Variants in SRGAP3 observed in about 807,000 individuals in gnomAD.
The protein encoded by SRGAP3 is SLIT-ROBO Rho GTPase activating protein 3, also known as SLIT-ROBO Rho GTPase-activating protein 3.
In SRGAP3, 39 loss-of-function variants were observed where a neutral mutation model predicts 121.1. The observed-to-expected ratio is 0.32, with a 90% CI of 0.25 to 0.42. The LOEUF (loss-of-function observed/expected upper bound fraction) is 0.42, where lower values mean the gene tolerates loss of function less well. Ranked by LOEUF, SRGAP3 falls within the 10% of genes least tolerant of loss-of-function variation. SRGAP3 has a pLI of 1.00. For synonymous variants in SRGAP3, 601 were observed against 570.0 expected, an observed-to-expected ratio of 1.05 and a Z score of -0.77; for missense variants, 1,213 against 1,470.6, an observed-to-expected ratio of 0.82 and a Z score of 2.86.
chr3:9,091,560 T>G (rs936938354), intron 3 of SRGAP3, among the ~76,000 whole-genome samples: 5 of 152,118 alleles, frequency 3.3e-5, no homozygotes, highest in African/African-American at 1.2e-4. Flanking sequence ...CCCAAAGTGA[T>G]TGTGTTTTTA....
intron 14 of SRGAP3, among the ~76,000 whole-genome samples, chr3:9,017,696 T>C (rs1041884394): frequency 4.6e-5 from 7 of 152,192 alleles, no homozygotes; most frequent in African/African-American, 7.2e-5. Context: ...TCTGTAAATA[T>C]AATAGAAACC....
At chr3:9,007,901 G>T (rs893676525) in intron 18 of SRGAP3, 3 of 152,200 alleles carry the variant, frequency 2.0e-5, no homozygotes, top group Non-Finnish European at 2.9e-5. Flanking sequence ...GGGATGGCAA[G>T]AATGTAACAT....
chr3:9,083,728 T>C (rs1264575175), intron 3 of SRGAP3, among the ~76,000 whole-genome samples: 1 of 152,204 alleles, frequency 6.6e-6, no homozygotes, highest in African/African-American at 2.4e-5. Flanking sequence ...GACCCCATCC[T>C]AGAGGCAGTT....
At chr3:9,260,964 C>A (rs1954241911) in intron 3 of SRGAP3, among the ~76,000 whole-genome samples, 1 of 152,214 alleles carries the variant, frequency 6.6e-6, no homozygotes, top group African/African-American at 2.4e-5. Flanking sequence ...CAGCTGGCAT[C>A]TGGCGGGTGC....
At chr3:9,089,292 C>G (rs1056357219) in intron 3 of SRGAP3, among the ~76,000 whole-genome samples, 6 of 8,344 alleles carry the variant, frequency 7.2e-4, no homozygotes, top group Non-Finnish European at 1.5e-3. Flanking sequence ...GTGGGGTGGG[C>G]GGGGGGGGGG....
At chr3:9,263,914 C>T (rs927551542) in intron 3 of SRGAP3, among the ~76,000 whole-genome samples, 2 of 152,050 alleles carry the variant, frequency 1.3e-5, no homozygotes, top group Non-Finnish European at 2.9e-5. Context: ...AGAGACACAA[C>T]AAAAAGAGAA....
In SRGAP3 at chr3:9,050,680, T is replaced by C. The variant is rs1374293078; in HGVS notation, c.1323+2347A>G. On this transcript the variant is annotated intron_variant, in intron 9 of 21. Transcript: ENST00000383836. The stretch of plus-strand genomic sequence containing the variant: ...TCTCCTAACTTCGAGTAGGCCAAAC[T>C]CCCTTCTTGAATTCTGTTCCCCAGA... 2.6e-5 allele frequency among the ~76,000 whole-genome samples: 4 copies of C among 152,310 alleles called. No individual in the cohort carries two copies. The East Asian group carries it at 7.7e-4, about 29-fold the overall frequency.
intron 6 of SRGAP3, chr3:9,058,714 CTTTTTTTTTTTTT>C (rs71049768): frequency 4.7e-6 from 1 of 212,824 alleles, no homozygotes; most frequent in Non-Finnish European, 8.4e-6. Flanking sequence ...TTCTCTCTCT[CTTTTTTTTTTTTT>C]TTTTTTTTTT....
At chr3:9,096,335 G>T (rs1290556693) in intron 3 of SRGAP3, among the ~76,000 whole-genome samples, 2 of 152,132 alleles carry the variant, frequency 1.3e-5, no homozygotes, top group African/African-American at 4.8e-5. Context: ...CTAATTTGTA[G>T]CCTCAATGGC....
chr3:9,297,029 T>G (rs1340900897), intron 3 of SRGAP3, among the ~76,000 whole-genome samples: 1 of 152,122 alleles, frequency 6.6e-6, no homozygotes. Context: ...GGACTACAGG[T>G]GTGCACCACC....
intron 3 of SRGAP3, among the ~76,000 whole-genome samples, chr3:9,259,313 C>T (rs1335851880): frequency 6.6e-6 from 1 of 152,050 alleles, no homozygotes; most frequent in Non-Finnish European, 1.5e-5. Context: ...GGGTCATGCC[C>T]TGTCACCCAG....
chr3:9,023,885 T>C (rs1402051765), intron 14 of SRGAP3, among the ~76,000 whole-genome samples: 1 of 152,062 alleles, frequency 6.6e-6, no homozygotes, highest in Non-Finnish European at 1.5e-5. Context: ...AATCTCATTG[T>C]CTACAGATGG....
At position 9,243,837 on chromosome 3, in the gene SRGAP3, G is replaced by A. The variant is rs150902023; in HGVS notation, c.67+5048C>T. 1.1e-3 allele frequency among the ~76,000 whole-genome samples: 162 copies of A among 152,250 alleles called. 4 individuals are homozygous for A. The highest frequency in any genetic ancestry group is 1.6e-3 in the Non-Finnish European group (108 of 68,034). ...CCCAACAGGCTAAAACTGTTCTACC[G>A]ACATGTTTGTTCAGGAAGCATAGTG... is the stretch of plus-strand genomic sequence containing the variant. On this transcript the variant is annotated intron_variant, in intron 1 of 21. Transcript: ENST00000383836.
chr3:9,360,809 A>T (rs1056417423), intron 1 of SRGAP3, among the ~76,000 whole-genome samples: 1 of 152,214 alleles, frequency 6.6e-6, no homozygotes, highest in Non-Finnish European at 1.5e-5. Context: ...AATATATGGG[A>T]ATTATGGGAG....
intron 1 of SRGAP3, among the ~76,000 whole-genome samples, chr3:9,234,467 G>C (rs1351317179): frequency 3.3e-5 from 5 of 151,994 alleles, no homozygotes; most frequent in African/African-American, 1.2e-4. Context: ...TGTCCCTGAA[G>C]GTGGCTGAGA....
intron 3 of SRGAP3, among the ~76,000 whole-genome samples, chr3:9,314,353 C>T (rs1374370961): frequency 4.0e-5 from 6 of 151,600 alleles, no homozygotes; most frequent in Non-Finnish European, 5.9e-5. Flanking sequence ...CCTGGGAGTT[C>T]GAGACCAGCC....
At chr3:9,304,285 T>C (rs1411045749) in intron 3 of SRGAP3, among the ~76,000 whole-genome samples, 3 of 152,222 alleles carry the variant, frequency 2.0e-5, no homozygotes, top group Admixed American at 6.5e-5. Context: ...TTCTTCTTCA[T>C]GCCCACTTGC....
At chr3:9,185,387 T>C (rs1303612504) in intron 1 of SRGAP3, among the ~76,000 whole-genome samples, 1 of 151,892 alleles carries the variant, frequency 6.6e-6, no homozygotes, top group Non-Finnish European at 1.5e-5. Flanking sequence ...ACTGGAGTGG[T>C]CAAAGAGGGG....
chr3:9,133,362 T>TTA (rs1949530639), intron 1 of SRGAP3, among the ~76,000 whole-genome samples: 1 of 151,988 alleles, frequency 6.6e-6, no homozygotes, highest in Non-Finnish European at 1.5e-5. Context: ...CGCACACCTG[T>TTA]AATCCCAGCT....
Sources: gnomAD v4.1 joint callset for allele counts (sites outside exome capture counted in the v4.1 genomes callset) on GRCh38, gnomAD v4.1.1 for gene constraint, MANE v1.5 for transcripts, NCBI Gene and HGNC (gene_info 2026-07-23, HGNC 2026-07-21) for gene names.